Variants in LHCGR observed in about 807,000 individuals in gnomAD.
LHCGR encodes lutropin-choriogonadotropic hormone receptor.
A neutral mutation model predicts 60.7 loss-of-function variants in LHCGR; 55 were observed. The observed-to-expected ratio is 0.91, with a 90% CI of 0.73 to 1.13. The LOEUF (loss-of-function observed/expected upper bound fraction) is 1.13, where lower values mean the gene tolerates loss of function less well. LHCGR is among the 50% of genes most tolerant of loss of function. LHCGR has a pLI of 0.00. For synonymous variants in LHCGR, 337 were observed against 316.5 expected (o/e 1.06, Z -0.69); for missense variants, 862 against 836.0 (o/e 1.03, Z -0.38).
Position 48,708,936 on chromosome 2 carries a change from C to T in LHCGR, c.680+12G>A. ...ACTGGGCAGGGAGGGGAGGCAGCAC[C>T]ATTCTACTCACAAGGTTTTCGGCCC... is the stretch of plus-strand genomic sequence containing the variant. On this transcript the variant is annotated intron_variant, in intron 8 of 10. Transcript: ENST00000294954. 3.7e-6 allele frequency: 6 copies of T among 1,611,014 alleles called. No individual in the cohort carries two copies. Among genetic ancestry groups the T allele is most frequent in the Non-Finnish European group, 5.1e-6 (6 of 1,177,322 alleles).
intron 10 of LHCGR, among the ~76,000 whole-genome samples, chr2:48,692,253 C>A (rs377426975): frequency 2.0e-5 from 3 of 152,208 alleles, no homozygotes; most frequent in African/African-American, 7.2e-5. Flanking sequence ...TTCCTTTACT[C>A]CTTTCCCCTT....
At chr2:48,732,821 T>G (rs1669055946) in intron 1 of LHCGR, 1 of 529,312 alleles carries the variant, frequency 1.9e-6, no homozygotes, top group African/African-American at 1.9e-5. Context: ...ATATTTTCAC[T>G]CAATAATCTC....
intron 1 of LHCGR, among the ~76,000 whole-genome samples, chr2:48,750,382 A>G (rs930470109): frequency 2.6e-5 from 4 of 152,220 alleles, no homozygotes; most frequent in Non-Finnish European, 4.4e-5. Context: ...AATAAAATGA[A>G]AACAATCTAG....
rs771486113 is a variant in LHCGR at position 48,730,864 on chromosome 2, AT to A, written c.233+362del. On this transcript the variant is annotated intron_variant, in intron 2 of 10. Coordinates refer to ENST00000294954, the MANE Select transcript of LHCGR (RefSeq NM_000233.4). ...CTGATGCACAATAAATTTCCAACAC[AT>A]TTTTTTTCCTATGTGGGTGTTATCT... is the stretch of plus-strand genomic sequence containing the variant. 1.3e-4 allele frequency among the ~76,000 whole-genome samples: 20 copies of A among 152,074 alleles called. No individual in the cohort carries two copies. The East Asian group carries it at 3.3e-3, about 25-fold the overall frequency.
chr2:48,724,468 C>G (rs556852706), intron 4 of LHCGR, among the ~76,000 whole-genome samples: 184 of 152,290 alleles, frequency 1.2e-3, no homozygotes, highest in African/African-American at 4.1e-3. Context: ...TGAAACAAAG[C>G]CAGGTTTCTC....
rs776560359 is a variant in LHCGR at position 48,694,352 on chromosome 2, G to A, written c.867-48C>T. On this transcript the variant is annotated intron_variant, in intron 9 of 10. Transcript: ENST00000294954. ...AAGCATTTGAGCTTTTGGACTTCAG[G>A]CTAAACCTGACTGTGCGTCTATTTA... 22 of 1,143,664 alleles carry A rather than the reference G, an allele frequency of 1.9e-5. No homozygotes were observed. The South Asian group carries it at 2.9e-4, about 15-fold the overall frequency. The allele number at this position is 1,143,664 out of a possible 1,614,324, so 70.8% of individuals were successfully genotyped here. A position where few individuals can be genotyped will look rare whatever the true frequency, so the allele number is the denominator to read the frequency against.
intron 1 of LHCGR, among the ~76,000 whole-genome samples, chr2:48,749,046 C>G (rs1018030470): frequency 6.6e-6 from 1 of 152,210 alleles, no homozygotes; most frequent in Admixed American, 6.5e-5. Context: ...GTAGCGTAAC[C>G]TCATTACATC....
intron 8 of LHCGR, among the ~76,000 whole-genome samples, chr2:48,704,848 A>G (rs1381041076): frequency 2.0e-5 from 3 of 152,056 alleles, no homozygotes; most frequent in Non-Finnish European, 4.4e-5. Context: ...CAGCTCCTGG[A>G]TTCATTGATT....
intron 6 of LHCGR, among the ~76,000 whole-genome samples, chr2:48,717,137 A>C (rs1380129478): frequency 6.6e-6 from 1 of 152,206 alleles, no homozygotes. Context: ...TGATGATCGC[A>C]CTACACATGG....
intron 8 of LHCGR, among the ~76,000 whole-genome samples, chr2:48,699,622 G>C (rs753428192): frequency 2.0e-5 from 3 of 152,214 alleles, no homozygotes; most frequent in Non-Finnish European, 4.4e-5. Flanking sequence ...CTTCTGTGTG[G>C]CATTAGCCAT....
At chr2:48,699,640 C>T (rs563787627) in intron 8 of LHCGR, among the ~76,000 whole-genome samples, 20 of 152,220 alleles carry the variant, frequency 1.3e-4, no homozygotes, top group South Asian at 6.2e-4. Flanking sequence ...CATCATCTAC[C>T]TAGGAAGCAG....
chr2:48,754,014 G>A (rs1336462693), intron 1 of LHCGR, among the ~76,000 whole-genome samples: 1 of 152,144 alleles, frequency 6.6e-6, no homozygotes, highest in Non-Finnish European at 1.5e-5. Context: ...TCTGTTAGTA[G>A]TACAGTCATT....
chr2:48,743,614 G>T (rs1399960293), intron 1 of LHCGR, among the ~76,000 whole-genome samples: 1 of 152,170 alleles, frequency 6.6e-6, no homozygotes, highest in East Asian at 1.9e-4. Context: ...CTCAATAGAT[G>T]CAGAAAAGGA....
intron 9 of LHCGR, among the ~76,000 whole-genome samples, chr2:48,694,937 A>G (rs1227957181): frequency 6.6e-6 from 1 of 152,134 alleles, no homozygotes; most frequent in African/African-American, 2.4e-5. Context: ...ATACAAATGA[A>G]TAAAGAAATA....
chr2:48,723,235 G>A (rs1005238852), intron 6 of LHCGR, among the ~76,000 whole-genome samples: 4 of 152,166 alleles, frequency 2.6e-5, no homozygotes. Flanking sequence ...AAAATCCTCA[G>A]GGCCTGTTTG....
intron 6 of LHCGR, chr2:48,720,867 T>A (rs1668466430): frequency 6.6e-6 from 1 of 152,354 alleles, no homozygotes; most frequent in African/African-American, 2.4e-5. Flanking sequence ...AAGGTTGCTA[T>A]GGGACTTAAA....
In LHCGR at chr2:48,733,348, G is replaced by A. The variant is rs546000207; in HGVS notation, c.162-2050C>T. 1.1e-4 allele frequency among the ~76,000 whole-genome samples: 16 copies of A among 152,294 alleles called. No homozygotes were observed. In the South Asian group the frequency reaches 3.1e-3, roughly 30 times the overall value. ...ACTCCCAGAGGAGCAGTTTGGTTCA[G>A]ATTTGATCAGGGAGGTTGCCTGAGC... On this transcript the variant is annotated intron_variant, in intron 1 of 10. Transcript: ENST00000294954.
intron 1 of LHCGR, among the ~76,000 whole-genome samples, chr2:48,741,946 C>T (rs1354337151): frequency 6.6e-6 from 1 of 152,110 alleles, no homozygotes; most frequent in East Asian, 1.9e-4. Flanking sequence ...TCAGGAAACC[C>T]ATGTCACGTG....
chr2:48,707,827 C>A (rs542480403), intron 8 of LHCGR, among the ~76,000 whole-genome samples: 41 of 152,284 alleles, frequency 2.7e-4, no homozygotes, highest in South Asian at 8.3e-4. Flanking sequence ...TGGGACCCAG[C>A]GAGCCAGGCA....
Sources: allele counts gnomAD v4.1 joint callset (sites outside exome capture counted in the v4.1 genomes callset), GRCh38; gene constraint gnomAD v4.1.1; transcripts MANE v1.5; gene names NCBI Gene and HGNC (gene_info 2026-07-23, HGNC 2026-07-21).